The following GALNT10 variants were observed in gnomAD, a reference collection of about 807,000 sequenced individuals.
GALNT10 encodes GalNAc transferase 10.
Under a neutral mutation model 75.0 loss-of-function variants are expected in GALNT10, and 41 were observed. That is an observed-to-expected ratio of 0.55 (90% CI 0.43 to 0.71). The LOEUF is 0.71. GALNT10 is among the 30% of genes least tolerant of loss of function. The probability of loss-of-function intolerance (pLI) is 0.00; values close to 1 mark genes in which losing one functional copy is unlikely to be tolerated. For missense variants in GALNT10, 727 were observed against 818.5 expected, an observed-to-expected ratio of 0.89 and a Z score of 1.36; for synonymous variants, 302 against 313.0, an observed-to-expected ratio of 0.96 and a Z score of 0.37.
intron 1 of GALNT10, among the ~76,000 whole-genome samples, chr5:154,212,893 G>A (rs550286868): frequency 4.1e-4 from 62 of 151,908 alleles, no homozygotes; most frequent in African/African-American, 1.4e-3. Context: ...GCGTGAACCC[G>A]GGAGGCGGAG....
At chr5:154,313,074 C>T (rs1323631450) in intron 3 of GALNT10, among the ~76,000 whole-genome samples, 5 of 152,108 alleles carry the variant, frequency 3.3e-5, no homozygotes, top group Admixed American at 2.6e-4. Flanking sequence ...TTTGGGAGGC[C>T]GAGGCAGGTG....
chr5:154,399,368 C>T (rs1478047398), intron 7 of GALNT10, among the ~76,000 whole-genome samples: 1 of 152,192 alleles, frequency 6.6e-6, no homozygotes, highest in Non-Finnish European at 1.5e-5. Context: ...CTCTCCGTGG[C>T]AGAGTTGAGA....
chr5:154,382,680 A>G (rs1221867769), intron 6 of GALNT10, among the ~76,000 whole-genome samples: 1 of 152,228 alleles, frequency 6.6e-6, no homozygotes, highest in African/African-American at 2.4e-5. Context: ...CTGAGGTTAG[A>G]ATAGGCTGCT....
chr5:154,253,410 A>AGGGGGG (rs1753558960), intron 1 of GALNT10, among the ~76,000 whole-genome samples: 1 of 119,382 alleles, frequency 8.4e-6, no homozygotes, highest in African/African-American at 3.1e-5. Flanking sequence ...GGGGAGGGGG[A>AGGGGGG]AGGGATAGCA....
At chr5:154,339,278 T>G (rs954040046) in intron 4 of GALNT10, among the ~76,000 whole-genome samples, 16 of 152,206 alleles carry the variant, frequency 1.1e-4, no homozygotes, top group African/African-American at 3.4e-4. Flanking sequence ...CCAGGGTGCC[T>G]TACCACTAAG....
At chr5:154,246,771 C>G (rs1397942137) in intron 1 of GALNT10, among the ~76,000 whole-genome samples, 1 of 152,156 alleles carries the variant, frequency 6.6e-6, no homozygotes, top group Non-Finnish European at 1.5e-5. Flanking sequence ...CCTGTTCACT[C>G]TGATGGTAGT....
rs935026741 is a variant in GALNT10 at position 154,419,800 on chromosome 5, C to A, written c.*2828C>A. 1 of 152,200 alleles carries A rather than the reference C, an allele frequency of 6.6e-6. No individual in the cohort carries two copies. Among genetic ancestry groups the A allele is most frequent in the Non-Finnish European group, 1.5e-5 (1 of 68,046 alleles). 9.4% of individuals were successfully genotyped at this position (152,200 alleles called of 1,614,324 possible). A position where few individuals can be genotyped will look rare whatever the true frequency, so the allele number is the denominator to read the frequency against. Reference sequence around the variant, plus strand: ...AAGGATTCAGGTTTCTGCTCACATCCCCAGCTGATGCTCAATAAAACTCAG... The same window carrying A: ...AAGGATTCAGGTTTCTGCTCACATCACCAGCTGATGCTCAATAAAACTCAG... On this transcript the variant is annotated 3_prime_UTR_variant, in exon 12 of 12. Coordinates refer to ENST00000297107, the MANE Select transcript of GALNT10 (RefSeq NM_198321.4).
chr5:154,347,952 A>C (rs979210725), intron 4 of GALNT10, among the ~76,000 whole-genome samples: 25 of 152,232 alleles, frequency 1.6e-4, no homozygotes, highest in African/African-American at 5.5e-4. Flanking sequence ...GGGTGGCTCA[A>C]GGCTCTCATT....
intron 3 of GALNT10, among the ~76,000 whole-genome samples, chr5:154,305,792 C>T (rs757532913): frequency 2.8e-4 from 42 of 152,170 alleles, no homozygotes; most frequent in East Asian, 3.9e-4. Flanking sequence ...CCAAGGAGGG[C>T]GGATCACCTG....
intron 1 of GALNT10, among the ~76,000 whole-genome samples, chr5:154,194,008 C>G (rs2113637483): frequency 6.6e-6 from 1 of 152,320 alleles, no homozygotes; most frequent in South Asian, 2.1e-4. Flanking sequence ...GTGGGTCCCT[C>G]TCATTCCAAG....
rs2113232857 is a variant in GALNT10 at position 154,417,950 on chromosome 5, G to A, written c.*978G>A. The A allele has an allele frequency of 6.6e-6, 1 of 152,270 alleles. No individual in the cohort carries two copies. The highest frequency in any genetic ancestry group is 2.1e-4 in the South Asian group (1 of 4,822). 9.4% of individuals were successfully genotyped at this position (152,270 alleles called of 1,614,324 possible). On this transcript the variant is annotated 3_prime_UTR_variant, in exon 12 of 12. Coordinates refer to ENST00000297107, the MANE Select transcript of GALNT10 (RefSeq NM_198321.4). ...CTGGAGGCCTCCAGGATCAACTGTGGGCAAAGTGCCTGCCTCTGACCTCAT... is the reference window on the plus strand; with the variant it reads ...CTGGAGGCCTCCAGGATCAACTGTGAGCAAAGTGCCTGCCTCTGACCTCAT...
chr5:154,326,834 C>T (rs1197540427), intron 3 of GALNT10, among the ~76,000 whole-genome samples: 1 of 152,062 alleles, frequency 6.6e-6, no homozygotes, highest in Non-Finnish European at 1.5e-5. Flanking sequence ...TATATTTGCA[C>T]AACTCTGTGA....
At position 154,218,188 on chromosome 5, in the gene GALNT10, T is replaced by G. The variant is rs1040262891; in HGVS notation, c.159+27163T>G. 7 of 953,934 alleles carry G rather than the reference T, an allele frequency of 7.3e-6. No homozygotes were observed. In the African/African-American group the frequency reaches 1.2e-4, roughly 17 times the overall value. 59.1% of individuals were successfully genotyped at this position (953,934 alleles called of 1,614,324 possible). On this transcript the variant is annotated intron_variant, in intron 1 of 11. Transcript: ENST00000297107. ...TTTCTAACAAGCCTGGGGCACCTCC[T>G]CCCTCCCCACCTCATGGGTCCCTCT...
chr5:154,195,754 A>T (rs1201217150), intron 1 of GALNT10, among the ~76,000 whole-genome samples: 1 of 152,128 alleles, frequency 6.6e-6, no homozygotes, highest in Non-Finnish European at 1.5e-5. Context: ...CCATATACTA[A>T]TATTTGATCC....
chr5:154,344,987 G>T (rs1229366221), intron 4 of GALNT10, among the ~76,000 whole-genome samples: 1 of 152,206 alleles, frequency 6.6e-6, no homozygotes, highest in Non-Finnish European at 1.5e-5. Flanking sequence ...CCGAGTCCAG[G>T]CTGTCTGTCC....
At chr5:154,255,078 CA>C (rs1377592728) in intron 1 of GALNT10, among the ~76,000 whole-genome samples, 4 of 152,096 alleles carry the variant, frequency 2.6e-5, no homozygotes, top group Non-Finnish European at 5.9e-5. Context: ...CTCAGACTCT[CA>C]AAGTGCTGGG....
intron 1 of GALNT10, among the ~76,000 whole-genome samples, chr5:154,214,101 T>C (rs1304313254): frequency 1.3e-5 from 2 of 152,206 alleles, no homozygotes; most frequent in African/African-American, 4.8e-5. Flanking sequence ...ACTGGAATAC[T>C]GAAAGCCTTT....
intron 1 of GALNT10, among the ~76,000 whole-genome samples, chr5:154,283,375 G>C (rs1754069502): frequency 6.6e-6 from 1 of 151,466 alleles, no homozygotes; most frequent in African/African-American, 2.4e-5. Context: ...CTTGAGCCCA[G>C]GAGGTCAAGG....
At chr5:154,230,533 T>C (rs181298217) in intron 1 of GALNT10, among the ~76,000 whole-genome samples, 37 of 152,304 alleles carry the variant, frequency 2.4e-4, no homozygotes, top group Non-Finnish European at 4.9e-4. Flanking sequence ...CACCATAGGC[T>C]TCTGTGTCTG....
Sources: allele counts gnomAD v4.1 joint callset (sites outside exome capture counted in the v4.1 genomes callset), GRCh38; gene constraint gnomAD v4.1.1; transcripts MANE v1.5; gene names NCBI Gene and HGNC (gene_info 2026-07-23, HGNC 2026-07-21).